RGS11: variants seen among roughly 807,000 people sequenced by gnomAD.
The protein encoded by RGS11 is regulator of G-protein signaling 11.
RGS11 carries 86 observed loss-of-function variants against 71.1 expected under a neutral mutation model. The ratio of observed to expected loss-of-function variants is 1.21; its 90% CI spans 1.02 to 1.45. The LOEUF (loss-of-function observed/expected upper bound fraction) is 1.45, where lower values mean the gene tolerates loss of function less well. Ranked by LOEUF, RGS11 falls within the 40% of genes most tolerant of loss-of-function variation. The pLI, the probability that RGS11 is intolerant of heterozygous loss-of-function variation, is 0.00. For synonymous variants in RGS11, 298 were observed against 254.2 expected (o/e 1.17, Z -1.64); for missense variants, 734 against 635.1 (o/e 1.16, Z -1.67).
chr16:272,498 G>C (rs1229739485), intron 9 of RGS11: 2 of 1,357,322 alleles, frequency 1.5e-6, no homozygotes, highest in Non-Finnish European at 1.9e-6. Flanking sequence ...CCTCCACCTG[G>C]AGGGAGGTTG....
chr16:268,454 AC>A lies in RGS11; in HGVS notation c.*814del. 1 of 436,220 alleles carries A rather than the reference AC, an allele frequency of 2.3e-6. No homozygotes were observed. The highest frequency in any genetic ancestry group is 2.5e-5 in the South Asian group (1 of 40,544). 27.0% of individuals were successfully genotyped at this position (436,220 alleles called of 1,614,324 possible). ...TGCACCCCCGAAAGGAGCCAGCTGT[AC>A]CTTCACCCAGTCTGGGGGACTGGTG... On this transcript the variant is annotated 3_prime_UTR_variant, in exon 17 of 17. Transcript: ENST00000397770.
At chr16:272,980 C>A (rs1010908305) in intron 8 of RGS11, 49 bp from the exon 9 acceptor site, 5 of 1,441,650 alleles carry the variant, frequency 3.5e-6, no homozygotes, top group South Asian at 1.4e-5. Flanking sequence ...CGGTGGCTGA[C>A]CCCCTTTAAG....
chr16:274,992 GTCTCGTC>G lies in RGS11; in HGVS notation c.295_301del (p.Asp99ArgfsTer15), dbSNP rs1567241804. 1 of 1,540,222 alleles carries G rather than the reference GTCTCGTC, an allele frequency of 6.5e-7. No homozygotes were observed. The highest frequency in any genetic ancestry group is 1.7e-4 in the Middle Eastern group (1 of 5,912). ...GAGCCTGACCTGGAACCTGTAGGGC[GTCTCGTC>G]TGGCCGGAGCATGAGGCTACGGGGG... On this transcript the variant is annotated frameshift_variant, in exon 4 of 17. Transcript: ENST00000397770. LOFTEE classifies it high-confidence loss of function.
chr16:275,060 G>A lies in RGS11; in HGVS notation c.234C>T (p.Val78=), dbSNP rs2141428107. 6.7e-7 allele frequency: 1 copy of A among 1,484,424 alleles called. No individual in the cohort carries two copies. Among genetic ancestry groups the A allele is most frequent in the Non-Finnish European group, 9.0e-7 (1 of 1,115,424 alleles). 92.0% of individuals were successfully genotyped at this position (1,484,424 alleles called of 1,614,324 possible). The change falls in exon 4 of 17, where the codon GTC becomes GTT. Residue 78 remains valine (V), a synonymous_variant. Coordinates refer to ENST00000397770, the MANE Select transcript of RGS11 (RefSeq NM_183337.3). ...SEEEALHLGA[V]LVQHGYIYPL... is the part of the protein sequence containing the mutation. ...GGTAGATGTAGCCATGCTGCACCAG[G>A]ACGGCGCCCAGGTGCAGGGCCTCTG... is the stretch of plus-strand genomic sequence containing the variant.
At chr16:273,917 C>A in intron 6 of RGS11, 81 bp from the exon 7 acceptor site, 1 of 1,498,960 alleles carries the variant, frequency 6.7e-7, no homozygotes, top group Non-Finnish European at 9.3e-7. Context: ...GGGTTGGGGA[C>A]TGTCTTGGGT....
chr16:274,167 C>T lies in RGS11; in HGVS notation c.370+47G>A, dbSNP rs765949325. 6.3e-6 allele frequency: 10 copies of T among 1,591,042 alleles called. No individual in the cohort carries two copies. In the Admixed American group the frequency reaches 8.8e-5, roughly 14 times the overall value. On this transcript the variant is annotated intron_variant, in intron 5 of 16. Coordinates refer to ENST00000397770, the MANE Select transcript of RGS11 (RefSeq NM_183337.3). Reference sequence around the variant, plus strand: ...CCTGCCTCACGGCATCACCCTGAGGCCCCCAGTCCTGGGAACTTGTCTGGG... The same window carrying T: ...CCTGCCTCACGGCATCACCCTGAGGTCCCCAGTCCTGGGAACTTGTCTGGG...
At chr16:273,639 G>A (rs1437028339) in intron 7 of RGS11, 83 bp from the exon 8 acceptor site, 1 of 1,495,904 alleles carries the variant, frequency 6.7e-7, no homozygotes, top group African/African-American at 1.4e-5. Context: ...ACCTGGGCAG[G>A]CAGCCACACC....
intron 3 of RGS11, 94 bp from the exon 4 acceptor site, chr16:275,176 G>A: frequency 6.3e-7 from 1 of 1,589,698 alleles, no homozygotes; most frequent in Non-Finnish European, 8.6e-7. Context: ...CCCCACCCTT[G>A]CACAGCGCGC....
In RGS11 at chr16:275,415, G is replaced by A. The variant is rs2052126681; in HGVS notation, c.147C>T (p.Pro49=). ...RSQRLLVTVI[P]HAVTGSDVVQ... ...GGCGCGCCTCACCTGTCACCGCGTG[G>A]GGAATGACGGTGACCAGCAGGCGCT... Residue 49 remains proline, a synonymous_variant, in exon 2 of 17, where the codon CCC becomes CCT. Coordinates refer to ENST00000397770, the MANE Select transcript of RGS11 (RefSeq NM_183337.3). 2 of 1,604,910 alleles carry A rather than the reference G, an allele frequency of 1.2e-6. No individual in the cohort carries two copies. Among genetic ancestry groups the A allele is most frequent in the African/African-American group, 2.7e-5 (2 of 74,780 alleles).
Position 275,298 on chromosome 16 carries a change from A to G in RGS11, c.196T>C (p.Cys66Arg), listed in dbSNP as rs369424204. 6 of 1,612,454 alleles carry G rather than the reference A, an allele frequency of 3.7e-6. No homozygotes were observed. The South Asian group carries it at 4.4e-5, about 12-fold the overall frequency. Reference protein sequence around the residue: ...DVVQWLAQKFCVSEEEALHLG... With the variant: ...DVVQWLAQKFRVSEEEALHLG... ...GGGCGCTCACCCTCCTCCGAGACGC[A>G]GAACTTCTGGGCCAACCACTGCACG... Residue 66 changes from cysteine to arginine, a missense_variant, in exon 3 of 17, where the codon TGC becomes CGC. Coordinates refer to ENST00000397770, the MANE Select transcript of RGS11 (RefSeq NM_183337.3).
intron 13 of RGS11, 57 bp from the exon 14 acceptor site, chr16:270,888 G>C: frequency 6.3e-7 from 1 of 1,585,142 alleles, no homozygotes; most frequent in Non-Finnish European, 8.6e-7. Flanking sequence ...CAGGGCCGGT[G>C]GGGGGTTCCC....
chr16:271,006 G>A lies in RGS11; in HGVS notation c.957C>T (p.Asp319=), dbSNP rs767466080. The A allele has an allele frequency of 1.7e-5, 28 of 1,612,096 alleles. No individual in the cohort carries two copies. Among genetic ancestry groups the A allele is most frequent in the Non-Finnish European group, 2.2e-5 (26 of 1,179,714 alleles). ...CACCACTGAACTCCTTTCCCAGAAA[G>A]TCCATGAAGTGGGCCCGCCCCACGG... The part of the protein sequence containing the change: ...EDPVGRAHFM[D]FLGKEFSGEN... Residue 319 remains aspartate (D), a synonymous_variant, in exon 13 of 17, where the codon GAC becomes GAT. Transcript: ENST00000397770.
chr16:273,305 T>C (rs960538741), intron 8 of RGS11, among the ~76,000 whole-genome samples, 170 bp downstream of exon 8: 6 of 152,174 alleles, frequency 3.9e-5, no homozygotes, highest in African/African-American at 1.4e-4. Flanking sequence ...TGGGTTCTGA[T>C]TGGCAGAAAC....
intron 1 of RGS11, 51 bp from the exon 2 acceptor site, chr16:275,549 TCCCTGGCACCGGCCGGGATGCCCCGGA>T (rs1447364652): frequency 4.9e-6 from 7 of 1,417,870 alleles, no homozygotes; most frequent in Non-Finnish European, 6.7e-6. Flanking sequence ...CAACCCTGAT[TCCCTGGCACCGGCCGGGATGCCCCGGA>T]TCCGGGAGCG....
chr16:272,398 T>C (rs1368212453), intron 9 of RGS11: 17 of 1,293,672 alleles, frequency 1.3e-5, no homozygotes, highest in Middle Eastern at 2.1e-4. Flanking sequence ...TTTCCAGATG[T>C]TGGGTCTGGA....
At chr16:271,598 G>A in intron 9 of RGS11, 29 bp from the exon 10 acceptor site, 1 of 1,609,958 alleles carries the variant, frequency 6.2e-7, no homozygotes, top group Non-Finnish European at 8.5e-7. Context: ...GCTGCAGTTA[G>A]ATGCAGGTCC....
rs1054395961 is a variant in RGS11 at position 268,568 on chromosome 16, A to G, written c.*701T>C. The G allele has an allele frequency of 5.0e-6, 3 of 595,794 alleles. No individual in the cohort carries two copies. Among genetic ancestry groups the G allele is most frequent in the Non-Finnish European group, 9.0e-6 (3 of 334,164 alleles). The allele number at this position is 595,794 out of a possible 1,614,324, so 36.9% of individuals were successfully genotyped here. On this transcript the variant is annotated 3_prime_UTR_variant, in exon 17 of 17. Coordinates refer to ENST00000397770, the MANE Select transcript of RGS11 (RefSeq NM_183337.3). ...GGGACGCCTGGCAAGGATCCACCCTATGGAATCGGGCCTCGTCAGTGGGGT... is the reference window on the plus strand; with the variant it reads ...GGGACGCCTGGCAAGGATCCACCCTGTGGAATCGGGCCTCGTCAGTGGGGT...
chr16:269,347 G>T lies in RGS11; in HGVS notation c.1326C>A (p.Ser442Arg), dbSNP rs1488680263. 6.2e-7 allele frequency: 1 copy of T among 1,603,488 alleles called. No homozygotes were observed. Among genetic ancestry groups the T allele is most frequent in the Non-Finnish European group, 8.5e-7 (1 of 1,175,882 alleles). ...GGGTGGGAAGGAGTGCAGGGCTGGG[G>T]CTCGAGTGCCGTGGCCTCCACGTAA... is the stretch of plus-strand genomic sequence containing the variant. Reference protein sequence around the residue: ...FPFTWRPRHSSPSPALLPTPV... With the variant: ...FPFTWRPRHSRPSPALLPTPV... The change falls in exon 17 of 17, where the codon AGC becomes AGA. Residue 442 changes from serine to arginine, a missense_variant. Ser to Arg is a moderately radical substitution (Grantham distance 110). Coordinates refer to ENST00000397770, the MANE Select transcript of RGS11 (RefSeq NM_183337.3).
intron 9 of RGS11, chr16:272,495 C>T: frequency 7.4e-7 from 1 of 1,353,740 alleles, no homozygotes; most frequent in Non-Finnish European, 9.7e-7. Context: ...AGGCCTCCAC[C>T]TGGAGGGAGG....
Sources: allele counts gnomAD v4.1 joint callset (sites outside exome capture counted in the v4.1 genomes callset), GRCh38; gene constraint gnomAD v4.1.1; transcripts MANE v1.5; gene names NCBI Gene and HGNC (gene_info 2026-07-23, HGNC 2026-07-21).